Variants in SMARCAL1 observed in about 807,000 individuals in gnomAD.
SMARCAL1 encodes SNF2 related chromatin remodeling annealing helicase 1.
A neutral mutation model predicts 94.5 loss-of-function variants in SMARCAL1; 58 were observed. The observed-to-expected ratio is 0.61, with a 90% CI of 0.50 to 0.76. SMARCAL1 has a LOEUF of 0.76. Among genes scored for constraint, SMARCAL1 ranks in the 30% least tolerant of loss-of-function variants. The probability of loss-of-function intolerance (pLI) is 0.00; values close to 1 mark genes in which losing one functional copy is unlikely to be tolerated. For synonymous variants in SMARCAL1, 422 were observed against 455.1 expected (o/e 0.93, Z 0.93); for missense variants, 1,051 against 1,177.9 (o/e 0.89, Z 1.58).
chr2:216,475,522 G>A lies in SMARCAL1; in HGVS notation c.2427+71G>A, dbSNP rs867967486. The A allele has an allele frequency of 1.1e-5, 16 of 1,514,304 alleles. No individual in the cohort carries two copies. The Middle Eastern group carries it at 6.9e-4, about 65-fold the overall frequency. 93.8% of individuals were successfully genotyped at this position (1,514,304 alleles called of 1,614,324 possible). A position where few individuals can be genotyped will look rare whatever the true frequency, so the allele number is the denominator to read the frequency against. On this transcript the variant is annotated intron_variant, in intron 15 of 17. Transcript: ENST00000357276. This position sits in a 1 kb window ranked among gnomAD's most constrained non-coding sequence, Gnocchi z 4.4. ...CTGTGGGCAGGAAGCAGTGAGTGTC[G>A]GTCGGGGAAAGTGTGGTTTCCCTTT...
At chr2:216,427,682 T>C (rs1693865384) in intron 6 of SMARCAL1, among the ~76,000 whole-genome samples, 1 of 152,228 alleles carries the variant, frequency 6.6e-6, no homozygotes, top group South Asian at 2.1e-4. Flanking sequence ...AACTGGTACT[T>C]ATATTTAGTG....
chr2:216,424,908 T>G (rs1267646580), intron 6 of SMARCAL1, among the ~76,000 whole-genome samples: 1 of 152,186 alleles, frequency 6.6e-6, no homozygotes, highest in South Asian at 2.1e-4. Context: ...GAGGGAATTA[T>G]TTGGCAAAAT....
intron 10 of SMARCAL1, among the ~76,000 whole-genome samples, chr2:216,439,758 CTT>C (rs915265381): frequency 2.6e-5 from 4 of 152,138 alleles, no homozygotes; most frequent in Non-Finnish European, 5.9e-5. Context: ...GAATAAAAGT[CTT>C]TTACTGCAAA....
intron 12 of SMARCAL1, among the ~76,000 whole-genome samples, chr2:216,461,711 T>A (rs1694709969): frequency 6.6e-6 from 1 of 151,954 alleles, no homozygotes; most frequent in South Asian, 2.1e-4. Flanking sequence ...GTACCTGTAG[T>A]CCCAGCTACT....
chr2:216,423,789 G>A (rs895987009), intron 6 of SMARCAL1, 106 bp downstream of exon 6: 5 of 1,024,818 alleles, frequency 4.9e-6, no homozygotes, highest in Non-Finnish European at 7.6e-6. Context: ...CTTTGCTGTG[G>A]TGGGATGCTT....
rs1171459497 is a variant in SMARCAL1, at chr2:216,435,486, T to C, written c.1634T>C (p.Val545Ala). 6.2e-7 allele frequency: 1 copy of C among 1,614,092 alleles called. No homozygotes were observed. The highest frequency in any genetic ancestry group is 1.3e-5 in the African/African-American group (1 of 75,052). The change falls in exon 9 of 18, where the codon GTT (valine) becomes GCT (alanine). Residue 545 changes from valine (V) to alanine (A), a missense_variant. By Grantham distance (64) the Val-to-Ala change is moderately conservative. This residue lies in a region of SMARCAL1 where 642 missense variants were observed against 754.7 expected (regional missense o/e 0.85). Coordinates refer to ENST00000357276, the MANE Select transcript of SMARCAL1 (RefSeq NM_014140.4). Reference protein sequence around the residue: ...LEKQLKTPFKVVIIDESHFLK... With the variant: ...LEKQLKTPFKAVIIDESHFLK... Reference sequence around the variant, plus strand: ...AAACAGCTAAAAACCCCTTTTAAAGTTGTCATCATTGTAAGAAACTTGGCA... The same window carrying C: ...AAACAGCTAAAAACCCCTTTTAAAGCTGTCATCATTGTAAGAAACTTGGCA...
chr2:216,436,322 A>G (rs1303242674), intron 9 of SMARCAL1, among the ~76,000 whole-genome samples: 1 of 152,188 alleles, frequency 6.6e-6, no homozygotes, highest in South Asian at 2.1e-4. Context: ...ATTTGACAAC[A>G]TATCTTTCAA....
chr2:216,418,816 G>A (rs1207921468), intron 4 of SMARCAL1, among the ~76,000 whole-genome samples: 2 of 152,038 alleles, frequency 1.3e-5, no homozygotes, highest in East Asian at 3.9e-4. Context: ...TTACTTTACT[G>A]AATGTTAACA....
At chr2:216,444,862 C>T (rs575782122) in intron 10 of SMARCAL1, among the ~76,000 whole-genome samples, 5 of 152,238 alleles carry the variant, frequency 3.3e-5, no homozygotes, top group South Asian at 2.1e-4. Flanking sequence ...CTTTCAATTA[C>T]GACATTGAAT....
In SMARCAL1 at chr2:216,482,685, G is replaced by C. The variant is rs1695226916; in HGVS notation, c.2626-53G>C. 4 of 1,613,736 alleles carry C rather than the reference G, an allele frequency of 2.5e-6. No homozygotes were observed. The African/African-American group carries it at 4.0e-5, about 16-fold the overall frequency. ...CATCAGCCCTAGTGGAGGAGAGTCA[G>C]TGTTGGAGCCTGGGCTCTTCCTTTT... On this transcript the variant is annotated intron_variant, in intron 17 of 17. Coordinates refer to ENST00000357276, the MANE Select transcript of SMARCAL1 (RefSeq NM_014140.4). This position sits in a 1 kb window ranked among gnomAD's most constrained non-coding sequence, Gnocchi z 4.3.
intron 6 of SMARCAL1, chr2:216,427,310 T>A (rs1693857229): frequency 6.6e-6 from 1 of 152,160 alleles, no homozygotes; most frequent in African/African-American, 2.4e-5. Flanking sequence ...CAGCATAGGA[T>A]TTTGGAGACA....
intron 3 of SMARCAL1, chr2:216,415,815 GA>G (rs1360139308): frequency 6.5e-6 from 3 of 464,030 alleles, no homozygotes; most frequent in African/African-American, 5.9e-5. Context: ...CAGTTTTTTT[GA>G]AATAAGTAGA....
intron 3 of SMARCAL1, chr2:216,415,884 A>AACT: frequency 2.6e-6 from 1 of 384,542 alleles, no homozygotes; most frequent in South Asian, 2.5e-5. Context: ...TGACAGGCCC[A>AACT]GTTTCATTGG....
At chr2:216,425,258 G>C (rs564609499) in intron 6 of SMARCAL1, among the ~76,000 whole-genome samples, 1 of 152,374 alleles carries the variant, frequency 6.6e-6, no homozygotes, top group Non-Finnish European at 1.5e-5. Context: ...TGCGCCAGCT[G>C]CTGCAGCAGA....
chr2:216,475,171 C>T lies in SMARCAL1; in HGVS notation c.2245-98C>T. 1 of 1,266,252 alleles carries T rather than the reference C, an allele frequency of 7.9e-7. No individual in the cohort carries two copies. Among genetic ancestry groups the T allele is most frequent in the Non-Finnish European group, 1.1e-6 (1 of 876,150 alleles). 78.4% of individuals were successfully genotyped at this position (1,266,252 alleles called of 1,614,324 possible). ...TCTGAAGGCAGGGGCCTCTGCTGAG[C>T]TGGAACCTGGTTCTGTGCTGGAGCT... On this transcript the variant is annotated intron_variant, in intron 14 of 17. Coordinates refer to ENST00000357276, the MANE Select transcript of SMARCAL1 (RefSeq NM_014140.4). The surrounding 1 kb of genome is among the most constrained non-coding windows in gnomAD (Gnocchi z 4.4).
Position 216,415,068 on chromosome 2 carries a change from A to C in SMARCAL1, c.364A>C (p.Ile122Leu). 6.2e-7 allele frequency: 1 copy of C among 1,614,210 alleles called. No homozygotes were observed. Among genetic ancestry groups the C allele is most frequent in the Non-Finnish European group, 8.5e-7 (1 of 1,180,020 alleles). ...ACGTAGTCAAATGGCTCTCACTGGA[A>C]TCTCTCCTCCCTTGGCACAAAGTCC... ...SPRSQMALTG[I>L]SPPLAQSPPE... Residue 122 changes from isoleucine to leucine, a missense_variant, in exon 3 of 18, where the codon ATC becomes CTC. Ile to Leu is a conservative substitution (Grantham distance 5). Transcript: ENST00000357276.
At chr2:216,451,329 G>T (rs1694445633) in intron 12 of SMARCAL1, 1 of 480,162 alleles carries the variant, frequency 2.1e-6, no homozygotes, top group Non-Finnish European at 3.8e-6. Flanking sequence ...ACAGCAGGGT[G>T]GTGATCAATA....
chr2:216,474,622 G>A (rs747612947), intron 14 of SMARCAL1, among the ~76,000 whole-genome samples: 2 of 151,924 alleles, frequency 1.3e-5, no homozygotes, highest in Non-Finnish European at 2.9e-5. Flanking sequence ...AGATGTGGTG[G>A]TGTGCGCCTG....
rs145712645 is a variant in SMARCAL1 at position 216,451,146 on chromosome 2, G to A, written c.2070+82G>A. The A allele has an allele frequency of 2.8e-4, 312 of 1,125,804 alleles. 1 individual carries two copies. The African/African-American group carries it at 4.2e-3, about 15-fold the overall frequency. 69.7% of individuals were successfully genotyped at this position (1,125,804 alleles called of 1,614,324 possible). ...ATGAGAGGCCCTTGAAAATGACCTG[G>A]CATTCTCTCAGCTTTCCTTTCTGTA... is the stretch of plus-strand genomic sequence containing the variant. On this transcript the variant is annotated intron_variant, in intron 12 of 17. Transcript: ENST00000357276.
Sources: allele counts gnomAD v4.1 joint callset (sites outside exome capture counted in the v4.1 genomes callset), GRCh38; gene constraint gnomAD v4.1.1; regional missense constraint gnomAD v4.1.1; non-coding constraint Gnocchi (gnomAD v3.1); transcripts MANE v1.5; gene names NCBI Gene and HGNC (gene_info 2026-07-23, HGNC 2026-07-21).